Variants in SAMD4B observed in about 807,000 individuals in gnomAD.
SAMD4B encodes the protein sterile alpha motif domain containing 4B, also known as protein Smaug homolog 2.
A neutral mutation model predicts 74.5 loss-of-function variants in SAMD4B; 5 were observed. The ratio of observed to expected loss-of-function variants is 0.07; its 90% CI spans 0.04 to 0.14. The LOEUF (loss-of-function observed/expected upper bound fraction) is 0.14. Ranked by LOEUF, SAMD4B falls within the 10% of genes least tolerant of loss-of-function variation. The pLI is 1.00. For synonymous variants in SAMD4B, 373 were observed against 374.9 expected, an observed-to-expected ratio of 1.00 and a Z score of 0.06; for missense variants, 608 against 921.8, an observed-to-expected ratio of 0.66 and a Z score of 4.41.
Position 39,385,583 on chromosome 19 carries a change from A to G in SAMD4B, c.*2056A>G. On this transcript the variant is annotated 3_prime_UTR_variant, in exon 14 of 14. Coordinates refer to ENST00000610417, the MANE Select transcript of SAMD4B (RefSeq NM_001384574.2). ...TGTCCCCGGCCCCACTGGCAGAATC[A>G]GCTTTGAGTAACTGTACAGTTTTTC... 2.0e-6 allele frequency: 1 copy of G among 493,474 alleles called. No homozygotes were observed. The highest frequency in any genetic ancestry group is 3.5e-6 in the Non-Finnish European group (1 of 282,810). 30.6% of individuals were successfully genotyped at this position (493,474 alleles called of 1,614,324 possible). A position where few individuals can be genotyped will look rare whatever the true frequency, so the allele number is the denominator to read the frequency against.
chr19:39,357,207 G>T, intron 3 of SAMD4B, 118 bp downstream of exon 3: 6 of 816,442 alleles, frequency 7.3e-6, no homozygotes, highest in Non-Finnish European at 1.1e-5. Flanking sequence ...TAGGCTTGGT[G>T]GGTGGGGAGT....
chr19:39,370,260 A>G, intron 4 of SAMD4B, 135 bp downstream of exon 4: 1 of 842,020 alleles, frequency 1.2e-6, no homozygotes, highest in Non-Finnish European at 1.9e-6. Context: ...GGCAATGCAG[A>G]GGCTGTGAAC....
rs1179945332 is a variant in SAMD4B, at chr19:39,370,079, C to G, written c.621C>G (p.Ser207Arg). 1.2e-6 allele frequency: 2 copies of G among 1,608,592 alleles called. No individual in the cohort carries two copies. Among genetic ancestry groups the G allele is most frequent in the Non-Finnish European group, 1.7e-6 (2 of 1,177,516 alleles). The change falls in exon 4 of 14, where the codon AGC becomes AGG. Residue 207 changes from serine (S) to arginine (R), a missense_variant. Physicochemically the swap from Ser to Arg is moderately radical, Grantham distance 110. This residue lies in a region of SAMD4B where 153 missense variants were observed against 153.0 expected (regional missense o/e 1.00). Coordinates refer to ENST00000610417, the MANE Select transcript of SAMD4B (RefSeq NM_001384574.2). ...ENGHVPFHPS[S>R]SVPPAINSIG... is the part of the protein sequence containing the mutation. ...GACACGTGCCCTTCCACCCATCCAG[C>G]TCAGTGCCGCCAGCCATCAACAGTA...
chr19:39,345,161 T>G (rs2075619374), intron 1 of SAMD4B, among the ~76,000 whole-genome samples: 1 of 152,196 alleles, frequency 6.6e-6, no homozygotes, highest in African/African-American at 2.4e-5. Flanking sequence ...CCTGTGCCCT[T>G]TAGGAGGATT....
At chr19:39,351,710 T>C (rs1167021443) in intron 1 of SAMD4B, 1 of 152,206 alleles carries the variant, frequency 6.6e-6, no homozygotes, top group African/African-American at 2.4e-5. Flanking sequence ...TCTGTTAGTT[T>C]CATTCTGAAG....
At chr19:39,371,828 A>C (rs2077322512) in intron 4 of SAMD4B, among the ~76,000 whole-genome samples, 1 of 152,024 alleles carries the variant, frequency 6.6e-6, no homozygotes, top group Admixed American at 6.6e-5. Context: ...AAAAAAAAAA[A>C]ACAAAAACAC....
At chr19:39,344,442 C>T (rs1353466808) in intron 1 of SAMD4B, among the ~76,000 whole-genome samples, 1 of 152,152 alleles carries the variant, frequency 6.6e-6, no homozygotes, top group Non-Finnish European at 1.5e-5. Flanking sequence ...CTTCCTCAGA[C>T]ACTTTTTAGA....
rs750359234 is a variant in SAMD4B at position 39,368,439 on chromosome 19, A to AT, written c.197-1215dup. ...ATCTCAGCCAAGGTGTGGAGCTTGG[A>AT]TAAATACATACTGTGGAGAGAACCC... On this transcript the variant is annotated intron_variant, in intron 3 of 13. Transcript: ENST00000610417. 7.9e-5 allele frequency among the ~76,000 whole-genome samples: 12 copies of AT among 152,234 alleles called. No homozygotes were observed. In the East Asian group the frequency reaches 1.7e-3, roughly 22 times the overall value.
chr19:39,381,255 C>G, intron 12 of SAMD4B, 142 bp downstream of exon 12: 1 of 1,008,842 alleles, frequency 9.9e-7, no homozygotes, highest in South Asian at 1.8e-5. Flanking sequence ...CACCCATCTC[C>G]CCCAATTGTG....
chr19:39,387,216 CTG>C (rs748359543), downstream of SAMD4B: 11 of 433,152 alleles, frequency 2.5e-5, no homozygotes, highest in South Asian at 1.0e-4. Context: ...CAGCATGTGA[CTG>C]TACTGAATAC....
In SAMD4B at chr19:39,385,625, CTTAT is replaced by C; in HGVS notation, c.*2101_*2104del. 3.9e-6 allele frequency: 2 copies of C among 513,230 alleles called. No homozygotes were observed. Among genetic ancestry groups the C allele is most frequent in the East Asian group, 6.1e-5 (2 of 32,824 alleles). The allele number at this position is 513,230 out of a possible 1,614,324, so 31.8% of individuals were successfully genotyped here. On this transcript the variant is annotated 3_prime_UTR_variant, in exon 14 of 14. Transcript: ENST00000610417. ...CAGTTTTTCTCGCTGTTGGAGAAGA[CTTAT>C]TTGTTGGAGTTTCACTTGTTTAATG...
chr19:39,367,822 T>C (rs181968189), intron 3 of SAMD4B, among the ~76,000 whole-genome samples: 225 of 150,720 alleles, frequency 1.5e-3, no homozygotes, highest in African/African-American at 5.1e-3. Flanking sequence ...ATAAGGTCTT[T>C]GAGGGGGAGA....
intron 11 of SAMD4B, 78 bp from the exon 12 acceptor site, chr19:39,380,912 G>T: frequency 1.3e-6 from 2 of 1,539,038 alleles, no homozygotes; most frequent in Non-Finnish European, 1.8e-6. Flanking sequence ...GTGGGAGAAG[G>T]CCTGTACCAC....
Position 39,382,014 on chromosome 19 carries a change from T to G in SAMD4B, c.1972+901T>G, listed in dbSNP as rs2078021984. ...CTGCCCTGCTCAACAAGTGAGGGGT[T>G]GACTCCTCCACACGGTGCTGGCCAC... On this transcript the variant is annotated intron_variant, in intron 12 of 13. Transcript: ENST00000610417. 2.6e-5 allele frequency among the ~76,000 whole-genome samples: 4 copies of G among 152,348 alleles called. No homozygotes were observed. In the South Asian group the frequency reaches 8.3e-4, roughly 32 times the overall value.
At chr19:39,358,565 A>G (rs1250225681) in intron 3 of SAMD4B, among the ~76,000 whole-genome samples, 8 of 151,874 alleles carry the variant, frequency 5.3e-5, no homozygotes, top group Non-Finnish European at 1.2e-4. Flanking sequence ...CCTCATCTTA[A>G]ATTCAACATG....
chr19:39,360,144 C>T (rs557056180), intron 3 of SAMD4B: 8 of 151,684 alleles, frequency 5.3e-5, no homozygotes, highest in African/African-American at 1.7e-4. Flanking sequence ...CAAGATTGTA[C>T]CACTGCACTC....
chr19:39,346,999 C>T (rs950774719), intron 1 of SAMD4B, among the ~76,000 whole-genome samples: 1 of 152,132 alleles, frequency 6.6e-6, no homozygotes, highest in Non-Finnish European at 1.5e-5. Context: ...AAAAAAAGCT[C>T]ATATCAGCCA....
At chr19:39,352,806 A>T (rs1374603645) in intron 1 of SAMD4B, among the ~76,000 whole-genome samples, 1 of 152,188 alleles carries the variant, frequency 6.6e-6, no homozygotes, top group African/African-American at 2.4e-5. Context: ...ACAACCCAGT[A>T]AAAGAATTTA....
rs2075354129 is a variant in SAMD4B, at chr19:39,342,445, G to A, written c.-398G>A. 5.8e-6 allele frequency: 1 copy of A among 171,568 alleles called. No individual in the cohort carries two copies. The highest frequency in any genetic ancestry group is 1.2e-5 in the Non-Finnish European group (1 of 84,070). 10.6% of individuals were successfully genotyped at this position (171,568 alleles called of 1,614,324 possible). On this transcript the variant is annotated 5_prime_UTR_variant, in exon 1 of 14. Coordinates refer to ENST00000610417, the MANE Select transcript of SAMD4B (RefSeq NM_001384574.2). ...CACGGCGCGGTGACGCAGCGCGACG[G>A]CGGCGGCGGCGGCGGCGGCGGTGGT...
Sources: allele counts gnomAD v4.1 joint callset (sites outside exome capture counted in the v4.1 genomes callset), GRCh38; gene constraint gnomAD v4.1.1; regional missense constraint gnomAD v4.1.1; transcripts MANE v1.5; gene names NCBI Gene and HGNC (gene_info 2026-07-23, HGNC 2026-07-21).